EPHA6: variants seen among roughly 807,000 people sequenced by gnomAD.
EPHA6 encodes ephrin type-A receptor 6.
Under a neutral mutation model 112.0 loss-of-function variants are expected in EPHA6, and 50 were observed. That is an observed-to-expected ratio of 0.45 (90% CI 0.36 to 0.56). The LOEUF is 0.56. Ranked by LOEUF, EPHA6 falls within the 20% of genes least tolerant of loss-of-function variation. The pLI is 0.00. For missense variants in EPHA6, 1,280 were observed against 1,417.4 expected, an observed-to-expected ratio of 0.90 and a Z score of 1.56; for synonymous variants, 529 against 490.7, an observed-to-expected ratio of 1.08 and a Z score of -1.03.
At chr3:96,892,155 G>A (rs1281150824) in intron 2 of EPHA6, among the ~76,000 whole-genome samples, 1 of 152,112 alleles carries the variant, frequency 6.6e-6, no homozygotes, top group Non-Finnish European at 1.5e-5. Context: ...CCACATCATA[G>A]GAGGCAGAGA....
intron 5 of EPHA6, among the ~76,000 whole-genome samples, chr3:97,277,098 G>A (rs1168610852): frequency 6.6e-6 from 1 of 152,130 alleles, no homozygotes; most frequent in African/African-American, 2.4e-5. Flanking sequence ...ACTCAGTGAC[G>A]CTTGGGGTTG....
chr3:97,596,198 C>G (rs1221955090), intron 12 of EPHA6, among the ~76,000 whole-genome samples: 1 of 152,188 alleles, frequency 6.6e-6, no homozygotes, highest in Non-Finnish European at 1.5e-5. Context: ...AGCCACCGCG[C>G]CCGGCCATAT....
At chr3:97,511,500 A>G (rs1447411889) in intron 10 of EPHA6, among the ~76,000 whole-genome samples, 1 of 151,972 alleles carries the variant, frequency 6.6e-6, no homozygotes, top group Non-Finnish European at 1.5e-5. Flanking sequence ...CTCACCCTCC[A>G]TGGGCTGTAC....
intron 3 of EPHA6, among the ~76,000 whole-genome samples, chr3:97,144,143 T>G (rs1333673003): frequency 6.6e-6 from 1 of 151,678 alleles, no homozygotes; most frequent in Non-Finnish European, 1.5e-5. Flanking sequence ...ATCTTTAACA[T>G]AAGTGACTCT....
intron 12 of EPHA6, among the ~76,000 whole-genome samples, chr3:97,610,022 T>A (rs2093706462): frequency 6.6e-6 from 1 of 151,574 alleles, no homozygotes; most frequent in Non-Finnish European, 1.5e-5. Context: ...ATATTCTACC[T>A]AATAGAGGTG....
intron 13 of EPHA6, among the ~76,000 whole-genome samples, chr3:97,632,595 G>A (rs1419134407): frequency 6.6e-6 from 1 of 151,932 alleles, no homozygotes; most frequent in Non-Finnish European, 1.5e-5. Context: ...GATTCAGCAA[G>A]GGCCTCCTGG....
At chr3:97,586,727 T>TAGAC (rs138628909) in intron 11 of EPHA6, among the ~76,000 whole-genome samples, 11,709 of 151,420 alleles carry the variant, frequency 0.077, 1,518 homozygotes, top group African/African-American at 0.27. Flanking sequence ...GATGGATGGA[T>TAGAC]AGACAGACAG....
chr3:97,754,977 AC>A lies in EPHA6; in HGVS notation c.*6277del, dbSNP rs556869204. Among the ~76,000 whole-genome samples the A allele has an allele frequency of 6.6e-5, 10 of 152,234 alleles. No homozygotes were observed. The highest frequency in any genetic ancestry group is 3.9e-4 in the Admixed American group (6 of 15,274). ...CTCGGCCTCCCAAAGTGGTGGGATT[AC>A]AGGCGTGAGCCACCGCGCCCGGCCA... is the stretch of plus-strand genomic sequence containing the variant. On this transcript the variant is annotated 3_prime_UTR_variant, in exon 18 of 18. Transcript: ENST00000389672.
intron 5 of EPHA6, among the ~76,000 whole-genome samples, chr3:97,320,822 ATAAAAAAAAT>A (rs1374134290): frequency 0.014 from 1,991 of 139,292 alleles, 162 homozygotes; most frequent in African/African-American, 0.056. Context: ...GGGGCAAAAA[ATAAAAAAAAT>A]AAAAAAAAAG....
At chr3:96,828,819 T>C (rs2107261191) in intron 1 of EPHA6, among the ~76,000 whole-genome samples, 1 of 152,290 alleles carries the variant, frequency 6.6e-6, no homozygotes, top group Middle Eastern at 3.4e-3. Context: ...CCTTGCTGCC[T>C]GATATCCAGC....
At chr3:96,936,939 T>A (rs1480623216) in intron 2 of EPHA6, among the ~76,000 whole-genome samples, 1 of 152,234 alleles carries the variant, frequency 6.6e-6, no homozygotes, top group Admixed American at 6.5e-5. Flanking sequence ...GGCCATGAAC[T>A]ACTCCTTTTT....
At chr3:97,062,123 T>C (rs1476253014) in intron 3 of EPHA6, among the ~76,000 whole-genome samples, 1 of 152,054 alleles carries the variant, frequency 6.6e-6, no homozygotes, top group African/African-American at 2.4e-5. Context: ...ATGAGTATTA[T>C]AGGAATACAG....
At chr3:97,265,910 A>C (rs570474447) in intron 5 of EPHA6, among the ~76,000 whole-genome samples, 1 of 152,362 alleles carries the variant, frequency 6.6e-6, no homozygotes, top group South Asian at 2.1e-4. Flanking sequence ...AACTTTATTT[A>C]TAAAAGCAGG....
intron 5 of EPHA6, among the ~76,000 whole-genome samples, chr3:97,308,762 T>C (rs1335944036): frequency 6.6e-6 from 1 of 151,768 alleles, no homozygotes; most frequent in African/African-American, 2.4e-5. Context: ...TATTAGTAAG[T>C]TATAGATAGC....
chr3:97,597,856 C>T (rs1361978479), intron 12 of EPHA6, among the ~76,000 whole-genome samples: 2 of 152,092 alleles, frequency 1.3e-5, no homozygotes, highest in African/African-American at 2.4e-5. Context: ...TCTAGAAAAT[C>T]TAGGATCTGG....
chr3:96,911,247 A>G (rs2039197612), intron 2 of EPHA6, among the ~76,000 whole-genome samples: 2 of 152,058 alleles, frequency 1.3e-5, no homozygotes, highest in Non-Finnish European at 1.5e-5. Flanking sequence ...TTTTATTGAA[A>G]ACATATTTTG....
chr3:97,417,962 G>A (rs2088268772), intron 6 of EPHA6, among the ~76,000 whole-genome samples: 1 of 152,004 alleles, frequency 6.6e-6, no homozygotes, highest in Non-Finnish European at 1.5e-5. Context: ...CAAAACATGA[G>A]TGAATGAGGA....
intron 11 of EPHA6, among the ~76,000 whole-genome samples, chr3:97,572,439 C>T (rs983726491): frequency 1.3e-5 from 2 of 152,006 alleles, no homozygotes; most frequent in African/African-American, 4.8e-5. Context: ...CGTGAGACAC[C>T]GCGCCTGGCA....
intron 14 of EPHA6, among the ~76,000 whole-genome samples, chr3:97,673,529 C>G (rs2107663831): frequency 6.6e-6 from 1 of 152,292 alleles, no homozygotes; most frequent in Admixed American, 6.5e-5. Flanking sequence ...GCAGCCTAAC[C>G]TGATGTGGTG....
Sources: allele counts gnomAD v4.1 joint callset (sites outside exome capture counted in the v4.1 genomes callset), GRCh38; gene constraint gnomAD v4.1.1; transcripts MANE v1.5; gene names NCBI Gene and HGNC (gene_info 2026-07-23, HGNC 2026-07-21).